COL3A1: variants seen among roughly 807,000 people sequenced by gnomAD.
The protein encoded by COL3A1 is collagen alpha-1(III) chain.
COL3A1 carries 46 observed loss-of-function variants against 200.9 expected under a neutral mutation model. The ratio of observed to expected loss-of-function variants is 0.23; its 90% CI spans 0.18 to 0.29. The LOEUF is 0.29. Ranked by LOEUF, COL3A1 falls within the 10% of genes least tolerant of loss-of-function variation. The probability of loss-of-function intolerance (pLI) is 1.00; values close to 1 mark genes in which losing one functional copy is unlikely to be tolerated. For missense variants in COL3A1, 1,367 were observed against 1,917.6 expected (o/e 0.71, Z 5.36); for synonymous variants, 650 against 628.0 (o/e 1.03, Z -0.52).
chr2:189,002,220 G>T, intron 34 of COL3A1, 78 bp from the exon 35 acceptor site: 16 of 1,159,028 alleles, frequency 1.4e-5, no homozygotes, highest in Non-Finnish European at 2.0e-5. Context: ...GAAAAGATAA[G>T]ATGATAAGAT....
intron 5 of COL3A1, 93 bp downstream of exon 5, chr2:188,987,232 T>C (rs1688082063): frequency 9.3e-7 from 1 of 1,072,412 alleles, no homozygotes; most frequent in Non-Finnish European, 1.4e-6. Context: ...TTCAGTATTT[T>C]TATGGAATTG....
rs1688644513 is a variant in COL3A1 at position 189,008,391 on chromosome 2, T to A, written c.3525+249T>A. On this transcript the variant is annotated intron_variant, in intron 47 of 50. Transcript: ENST00000304636. The stretch of plus-strand genomic sequence containing the variant: ...TATCAGAATAATGACATCTGCCCAA[T>A]TAACCAAATAAACCCTGTCCACATT... 3 of 526,164 alleles carry A rather than the reference T, an allele frequency of 5.7e-6. No individual in the cohort carries two copies. The South Asian group carries it at 6.2e-5, about 11-fold the overall frequency. 32.6% of individuals were successfully genotyped at this position (526,164 alleles called of 1,614,324 possible).
At chr2:188,976,155 C>T (rs1283165738) in intron 1 of COL3A1, among the ~76,000 whole-genome samples, 1 of 152,036 alleles carries the variant, frequency 6.6e-6, no homozygotes, top group African/African-American at 2.4e-5. Flanking sequence ...CTATCCCCCA[C>T]CAACCATTTA....
Position 188,985,192 on chromosome 2 carries a change from A to G in COL3A1, c.283-5A>G. ...TGTTTAACTTGTTTCTTTTCCATTT[A>G]TTAGCCTACTCGCCCTCCTAATGGT... On this transcript the variant is annotated splice_region_variant and splice_polypyrimidine_tract_variant and intron_variant, in intron 2 of 50. Coordinates refer to ENST00000304636, the MANE Select transcript of COL3A1 (RefSeq NM_000090.4). 6.2e-7 allele frequency: 1 copy of G among 1,612,318 alleles called. No homozygotes were observed. The highest frequency in any genetic ancestry group is 1.1e-5 in the South Asian group (1 of 91,042).
At chr2:188,995,564 A>C in intron 21 of COL3A1, 128 bp from the exon 22 acceptor site, 1 of 669,572 alleles carries the variant, frequency 1.5e-6, no homozygotes, top group Non-Finnish European at 2.6e-6. Context: ...TTATGTATAA[A>C]TGTTTCAGCA....
At chr2:188,979,908 G>A (rs562850223) in intron 1 of COL3A1, among the ~76,000 whole-genome samples, 133 of 151,764 alleles carry the variant, frequency 8.8e-4, no homozygotes, top group African/African-American at 2.8e-3. Context: ...TGTTTCTGCA[G>A]TTAAGATTCC....
intron 34 of COL3A1, 89 bp downstream of exon 34, chr2:189,001,678 G>T: frequency 2.2e-6 from 3 of 1,345,182 alleles, no homozygotes. Flanking sequence ...TTTGCCCTCA[G>T]TTCCCTGAGC....
chr2:188,980,528 G>T (rs895892751), intron 1 of COL3A1, among the ~76,000 whole-genome samples: 4 of 147,870 alleles, frequency 2.7e-5, no homozygotes, highest in Non-Finnish European at 4.5e-5. Context: ...GATTGAAAAA[G>T]CATATATCTA....
rs1559061745 is a variant in COL3A1 at position 189,006,395 on chromosome 2, T to A, written c.3144T>A (p.His1048Gln). Residue 1048 changes from histidine (H) to glutamine (Q), a missense_variant, in exon 43 of 51, where the codon CAT (histidine) becomes CAA (glutamine). By Grantham distance (24) the His-to-Gln change is conservative. Coordinates refer to ENST00000304636, the MANE Select transcript of COL3A1 (RefSeq NM_000090.4). ...GSPGAPGAPG[H>Q]PGPPGPVGPA... ...CTGGTGCCCCTGGCGCTCCTGGTCA[T>A]CCAGGCCCACCTGGTCCTGTCGGTC... 6.2e-7 allele frequency: 1 copy of A among 1,614,158 alleles called. No homozygotes were observed. Among genetic ancestry groups the A allele is most frequent in the Admixed American group, 1.7e-5 (1 of 60,028 alleles).
At chr2:188,992,394 A>G (rs1688208042) in intron 14 of COL3A1, among the ~76,000 whole-genome samples, 166 bp downstream of exon 14, 1 of 152,164 alleles carries the variant, frequency 6.6e-6, no homozygotes, top group Non-Finnish European at 1.5e-5. Flanking sequence ...CAATTTAAAA[A>G]GTGAAAAAAT....
intron 50 of COL3A1, 111 bp from the exon 51 acceptor site, chr2:189,011,515 CAT>C: frequency 1.7e-6 from 2 of 1,202,680 alleles, no homozygotes; most frequent in Non-Finnish European, 2.4e-6. Flanking sequence ...TGAATAATAA[CAT>C]GGCACGATGA....
intron 1 of COL3A1, 95 bp downstream of exon 1, chr2:188,974,663 C>A: frequency 1.0e-6 from 1 of 954,460 alleles, no homozygotes; most frequent in Non-Finnish European, 1.7e-6. Flanking sequence ...TTGCCTGATT[C>A]AAGATAATTT....
chr2:188,988,730 C>G, intron 7 of COL3A1, 87 bp downstream of exon 7: 2 of 879,884 alleles, frequency 2.3e-6, no homozygotes, highest in Middle Eastern at 5.1e-4. Flanking sequence ...TAGGTCTTTA[C>G]AGAATGAAGA....
chr2:188,992,161 T>C, intron 13 of COL3A1, 23 bp from the exon 14 acceptor site: 1 of 1,613,352 alleles, frequency 6.2e-7, no homozygotes, highest in Non-Finnish European at 8.5e-7. Flanking sequence ...AAAAGGATAT[T>C]TGATGTAAAC....
intron 44 of COL3A1, 139 bp downstream of exon 44, chr2:189,007,129 A>ATATC: frequency 7.0e-6 from 1 of 141,988 alleles, no homozygotes; most frequent in South Asian, 2.5e-4. Flanking sequence ...ATATATATAT[A>ATATC]TATATATATA....
intron 37 of COL3A1, 56 bp from the exon 38 acceptor site, chr2:189,003,678 G>A: frequency 1.3e-6 from 2 of 1,567,880 alleles, no homozygotes; most frequent in Non-Finnish European, 8.8e-7. Context: ...CTTTTTGTTT[G>A]TTGTACAGTT....
At position 188,994,605 on chromosome 2, in the gene COL3A1, C is replaced by T; in HGVS notation, c.1347+11C>T. The stretch of plus-strand genomic sequence containing the variant: ...CCACGTGGTGAACGCGTAAGTTTTA[C>T]TGCAACAGATCTGGTTATTTCTTGA... On this transcript the variant is annotated intron_variant, in intron 19 of 50. Transcript: ENST00000304636. The surrounding 1 kb of genome is among the most constrained non-coding windows in gnomAD (Gnocchi z 4.5). 6.2e-7 allele frequency: 1 copy of T among 1,614,036 alleles called. No homozygotes were observed.
rs1576468385 is a variant in COL3A1, at chr2:188,999,578, G to T, written c.2229+1G>T. The T allele has an allele frequency of 6.2e-7, 1 of 1,612,216 alleles. No individual in the cohort carries two copies. The highest frequency in any genetic ancestry group is 1.3e-5 in the African/African-American group (1 of 74,886). ...AAGTCCTGGTCCAAAGGGTGACAAG[G>T]TGTTGACTTGTTTTCTCTTAATTGT... On this transcript the variant is annotated splice_donor_variant, in intron 31 of 50. Transcript: ENST00000304636. LOFTEE classifies it high-confidence loss of function.
chr2:188,995,211 T>C, intron 21 of COL3A1, 112 bp downstream of exon 21: 1 of 1,064,078 alleles, frequency 9.4e-7, no homozygotes, highest in South Asian at 1.4e-5. Context: ...TATATTAGAG[T>C]TAAGAAAAAT....
Sources: allele counts gnomAD v4.1 joint callset (sites outside exome capture counted in the v4.1 genomes callset), GRCh38; gene constraint gnomAD v4.1.1; non-coding constraint Gnocchi (gnomAD v3.1); transcripts MANE v1.5; gene names NCBI Gene and HGNC (gene_info 2026-07-23, HGNC 2026-07-21).